Variants in GALNT17 observed in about 807,000 individuals in gnomAD.
GALNT17 encodes the protein UDP-GalNAc:polypeptide N-acetylgalactosaminyltransferase-like 3.
GALNT17 carries 29 observed loss-of-function variants against 63.7 expected under a neutral mutation model. The observed-to-expected ratio is 0.46, with a 90% confidence interval of 0.34 to 0.62. The LOEUF is 0.62. Among genes scored for constraint, GALNT17 ranks in the 20% least tolerant of loss-of-function variants. The pLI, the probability that GALNT17 is intolerant of heterozygous loss-of-function variation, is 0.01. For missense variants in GALNT17, 603 were observed against 799.6 expected, an observed-to-expected ratio of 0.75 and a Z score of 2.97; for synonymous variants, 305 against 318.3, an observed-to-expected ratio of 0.96 and a Z score of 0.45.
chr7:71,286,318 G>A (rs1046628430), intron 1 of GALNT17, among the ~76,000 whole-genome samples: 2 of 152,212 alleles, frequency 1.3e-5, no homozygotes, highest in Admixed American at 1.3e-4. Flanking sequence ...GGAACCCTGG[G>A]TGTTTTCTCT....
chr7:71,423,637 G>A (rs1054987814), intron 5 of GALNT17, among the ~76,000 whole-genome samples: 5 of 152,186 alleles, frequency 3.3e-5, no homozygotes, highest in Non-Finnish European at 5.9e-5. Context: ...AGTTTAGCCA[G>A]GCCCAGTGGC....
At chr7:71,547,048 G>A (rs1788996686) in intron 5 of GALNT17, among the ~76,000 whole-genome samples, 1 of 151,984 alleles carries the variant, frequency 6.6e-6, no homozygotes, top group Admixed American at 6.6e-5. Context: ...CTGGAGTGCA[G>A]TGGTGTGATC....
intron 5 of GALNT17, among the ~76,000 whole-genome samples, chr7:71,513,036 C>T (rs1788386698): frequency 6.6e-6 from 1 of 152,176 alleles, no homozygotes; most frequent in Non-Finnish European, 1.5e-5. Flanking sequence ...GTTTCACAAA[C>T]AGCCTTTTCT....
chr7:71,615,278 CA>C (rs1177392028), intron 6 of GALNT17, among the ~76,000 whole-genome samples: 6 of 152,080 alleles, frequency 3.9e-5, no homozygotes, highest in African/African-American at 1.4e-4. Context: ...GACTGGCTTC[CA>C]CTCTGCTAGC....
intron 1 of GALNT17, among the ~76,000 whole-genome samples, chr7:71,176,406 A>T (rs1277111968): frequency 6.6e-6 from 1 of 152,060 alleles, no homozygotes; most frequent in African/African-American, 2.4e-5. Flanking sequence ...TAATTGTTGG[A>T]TGTGAGCAAT....
rs761584365 is a variant in GALNT17, at chr7:71,693,263, T to TAC, written c.1500+16003_1500+16004dup. 2.8e-3 allele frequency among the ~76,000 whole-genome samples: 305 copies of TAC among 108,816 alleles called. 9 individuals are homozygous for TAC. The highest frequency in any genetic ancestry group is 6.8e-3 in the African/African-American group (188 of 27,668). The allele number at this position is 108,816 out of a possible 152,430, so 71.4% of individuals were successfully genotyped here. A position where few individuals can be genotyped will look rare whatever the true frequency, so the allele number is the denominator to read the frequency against. On this transcript the variant is annotated intron_variant, in intron 9 of 10. Transcript: ENST00000333538. ...ACACATATATATACACACACACACA[T>TAC]ACACACACACACACACACACACACA...
chr7:71,321,454 G>A (rs1317010387), intron 1 of GALNT17, among the ~76,000 whole-genome samples: 1 of 152,150 alleles, frequency 6.6e-6, no homozygotes, highest in Non-Finnish European at 1.5e-5. Context: ...GTGAGGTTCG[G>A]GCCTTTGAGA....
At chr7:71,291,107 A>G (rs1790972085) in intron 1 of GALNT17, among the ~76,000 whole-genome samples, 2 of 152,222 alleles carry the variant, frequency 1.3e-5, no homozygotes, top group Admixed American at 1.3e-4. Context: ...CAACAGAAAT[A>G]TACCCATGAT....
chr7:71,683,839 C>G (rs1400702656), intron 9 of GALNT17, among the ~76,000 whole-genome samples: 3 of 151,980 alleles, frequency 2.0e-5, no homozygotes, highest in Non-Finnish European at 4.4e-5. Context: ...GAAACCTCGT[C>G]TCTACTAAAA....
intron 9 of GALNT17, among the ~76,000 whole-genome samples, chr7:71,695,701 T>C (rs1791529560): frequency 6.6e-6 from 1 of 152,200 alleles, no homozygotes; most frequent in Admixed American, 6.5e-5. Flanking sequence ...CAGCCACCAC[T>C]TGCCCACTGT....
In GALNT17 at chr7:71,132,956, A is replaced by C. The variant is rs1465853561; in HGVS notation, c.154A>C (p.Ser52Arg). ...GCCGCGCGCCGAGGTGGCCAACCTC[A>C]GCGCGCACAGCGCCAGCCCCATCCA... is the stretch of plus-strand genomic sequence containing the variant. ...IRPRAEVANL[S>R]AHSASPIQDA... The change falls in exon 1 of 11, where the codon AGC becomes CGC. Residue 52 changes from serine (S) to arginine (R), a missense_variant. Ser to Arg is a moderately radical substitution (Grantham distance 110). This residue lies in a region of GALNT17 where 195 missense variants were observed against 215.0 expected (regional missense o/e 0.91). Transcript: ENST00000333538. 2.5e-6 allele frequency: 4 copies of C among 1,609,242 alleles called. No homozygotes were observed. Among genetic ancestry groups the C allele is most frequent in the Non-Finnish European group, 3.4e-6 (4 of 1,179,016 alleles).
intron 5 of GALNT17, among the ~76,000 whole-genome samples, chr7:71,442,580 T>C (rs1267184718): frequency 2.6e-5 from 4 of 152,174 alleles, no homozygotes; most frequent in Admixed American, 1.3e-4. Context: ...TCACAGTCTT[T>C]CCTTTTTTGG....
chr7:71,361,628 T>C (rs1275978046), intron 2 of GALNT17, among the ~76,000 whole-genome samples: 1 of 152,188 alleles, frequency 6.6e-6, no homozygotes, highest in African/African-American at 2.4e-5. Context: ...TGTGTCTGGC[T>C]ATAATACTTG....
intron 6 of GALNT17, among the ~76,000 whole-genome samples, chr7:71,657,606 C>A (rs1000969477): frequency 5.9e-5 from 9 of 152,164 alleles, no homozygotes; most frequent in African/African-American, 2.2e-4. Flanking sequence ...TCCAGCTGTC[C>A]AGGCTGTGGC....
chr7:71,336,855 A>G (rs1791917596), intron 2 of GALNT17, among the ~76,000 whole-genome samples: 1 of 152,234 alleles, frequency 6.6e-6, no homozygotes, highest in African/African-American at 2.4e-5. Context: ...GTATATACCC[A>G]GTAATGGGAT....
chr7:71,596,260 A>C (rs542980609), intron 6 of GALNT17, among the ~76,000 whole-genome samples: 4 of 151,772 alleles, frequency 2.6e-5, no homozygotes, highest in East Asian at 3.9e-4. Context: ...GGCTGGTCTC[A>C]AACTCCTGAC....
chr7:71,194,356 G>GTATT (rs1789007379), intron 1 of GALNT17, among the ~76,000 whole-genome samples: 1 of 152,164 alleles, frequency 6.6e-6, no homozygotes, highest in Non-Finnish European at 1.5e-5. Flanking sequence ...TTGTCACCAG[G>GTATT]CATTTCACTG....
chr7:71,486,581 A>C (rs1274189406), intron 5 of GALNT17, among the ~76,000 whole-genome samples: 1 of 151,498 alleles, frequency 6.6e-6, no homozygotes, highest in East Asian at 2.0e-4. Flanking sequence ...TTCTGGACCA[A>C]GGTACTCAGG....
At chr7:71,302,328 C>A (rs1315072153) in intron 1 of GALNT17, among the ~76,000 whole-genome samples, 2 of 152,162 alleles carry the variant, frequency 1.3e-5, no homozygotes, top group Non-Finnish European at 2.9e-5. Context: ...ACCTGCACAT[C>A]CTGTGCGTGT....
Sources: gnomAD v4.1 joint callset for allele counts (sites outside exome capture counted in the v4.1 genomes callset) on GRCh38, gnomAD v4.1.1 for gene constraint, gnomAD v4.1.1 regional missense constraint, MANE v1.5 for transcripts, NCBI Gene and HGNC (gene_info 2026-07-23, HGNC 2026-07-21) for gene names.